SORD: variants seen among roughly 807,000 people sequenced by gnomAD.
The protein encoded by SORD is sorbitol dehydrogenase, also known as (R,R)-butanediol dehydrogenase.
A neutral mutation model predicts 35.6 loss-of-function variants in SORD; 18 were observed. The ratio of observed to expected loss-of-function variants is 0.51; its 90% CI spans 0.35 to 0.75. SORD has a LOEUF of 0.75. SORD is among the 30% of genes least tolerant of loss of function. The pLI, the probability that SORD is intolerant of heterozygous loss-of-function variation, is 0.01. For synonymous variants in SORD, 106 were observed against 152.9 expected (o/e 0.69, Z 2.26); for missense variants, 250 against 390.2 (o/e 0.64, Z 3.03).
chr15:45,030,393 G>A (rs1195939837), intron 1 of SORD, among the ~76,000 whole-genome samples: 1 of 152,238 alleles, frequency 6.6e-6, no homozygotes, highest in African/African-American at 2.4e-5. Context: ...TACAATATTA[G>A]CATCTAACTT....
chr15:45,026,450 C>T (rs572250541), intron 1 of SORD, among the ~76,000 whole-genome samples: 2 of 152,220 alleles, frequency 1.3e-5, no homozygotes, highest in South Asian at 4.2e-4. Context: ...GAGAATTTGA[C>T]TGTTTTCTTC....
chr15:45,046,447 T>A (rs1258763462), intron 3 of SORD, among the ~76,000 whole-genome samples: 1 of 152,154 alleles, frequency 6.6e-6, no homozygotes, highest in Non-Finnish European at 1.5e-5. Context: ...TTCACTATGT[T>A]TGCCAAGCTG....
chr15:45,069,200 T>C (rs1230386615), intron 7 of SORD, 148 bp downstream of exon 7: 19 of 406,058 alleles, frequency 4.7e-5, no homozygotes, highest in Non-Finnish European at 5.7e-5. Context: ...TTTTCTTTTT[T>C]TTTTTTTTTT....
At chr15:45,058,098 A>C (rs1893246362) in intron 3 of SORD, among the ~76,000 whole-genome samples, 2 of 152,236 alleles carry the variant, frequency 1.3e-5, no homozygotes, top group South Asian at 2.1e-4. Context: ...TAGCATACAA[A>C]GAAGGGATAG....
At chr15:45,069,184 TTTTC>T (rs1485342627) in intron 7 of SORD, 132 bp downstream of exon 7, 4 of 443,808 alleles carry the variant, frequency 9.0e-6, no homozygotes, top group Non-Finnish European at 1.4e-5. Flanking sequence ...GCCATCTATG[TTTTC>T]TTTTTCTTTT....
At chr15:45,064,660 C>CGACT (rs1174044376) in intron 4 of SORD, among the ~76,000 whole-genome samples, 1 of 152,070 alleles carries the variant, frequency 6.6e-6, no homozygotes, top group Non-Finnish European at 1.5e-5. Flanking sequence ...ATATGGGAGG[C>CGACT]GACTATCAGA....
intron 3 of SORD, among the ~76,000 whole-genome samples, chr15:45,046,744 A>G (rs1893051212): frequency 6.6e-6 from 1 of 152,216 alleles, no homozygotes; most frequent in Non-Finnish European, 1.5e-5. Context: ...TCAGCCGGGC[A>G]TAATAGCTCA....
intron 3 of SORD, chr15:45,058,816 G>C (rs1328329214): frequency 6.6e-6 from 1 of 152,230 alleles, no homozygotes; most frequent in Non-Finnish European, 1.5e-5. Flanking sequence ...TCTAGGTGTT[G>C]TGTAACTTAC....
intron 3 of SORD, among the ~76,000 whole-genome samples, chr15:45,052,282 A>G (rs1398358733): frequency 6.6e-6 from 1 of 152,218 alleles, no homozygotes; most frequent in Non-Finnish European, 1.5e-5. Context: ...CCTCAAACAT[A>G]AGGATTGAAT....
In SORD at chr15:45,052,565, T is replaced by G. The variant is rs145830679; in HGVS notation, c.266-8502T>G. Among the ~76,000 whole-genome samples the G allele has an allele frequency of 4.6e-5, 7 of 152,240 alleles. No homozygotes were observed. The East Asian group carries it at 1.4e-3, about 29-fold the overall frequency. On this transcript the variant is annotated intron_variant, in intron 3 of 8. Coordinates refer to ENST00000267814, the MANE Select transcript of SORD (RefSeq NM_003104.6). ...TTAGGTAAAAACTCTGACTCTAAAT[T>G]TTTTCCAGGCAGAGGTTAGAAAGAG...
intron 7 of SORD, among the ~76,000 whole-genome samples, chr15:45,071,223 TG>T (rs1431518838): frequency 6.6e-6 from 1 of 152,118 alleles, no homozygotes; most frequent in African/African-American, 2.4e-5. Flanking sequence ...GCTGGCATCT[TG>T]GCAGCTTGGA....
chr15:45,066,313 A>T (rs540649482), intron 5 of SORD, among the ~76,000 whole-genome samples: 4 of 148,050 alleles, frequency 2.7e-5, no homozygotes, highest in African/African-American at 7.4e-5. Context: ...AACTAGGGAA[A>T]TTTTTTTTTT....
chr15:45,047,071 ACT>A lies in SORD; in HGVS notation c.265+3653_265+3654del, dbSNP rs745994629. The A allele has an allele frequency of 2.0e-5, 3 of 151,850 alleles. No homozygotes were observed. In the South Asian group the frequency reaches 6.2e-4, roughly 32 times the overall value. The allele number at this position is 151,850 out of a possible 1,614,324, so 9.4% of individuals were successfully genotyped here. ...AGACATACATACATATAAGTCAATA[ACT>A]CTAAGGCATGGAAGCATTCCTATTT... On this transcript the variant is annotated intron_variant, in intron 3 of 8. Coordinates refer to ENST00000267814, the MANE Select transcript of SORD (RefSeq NM_003104.6).
At chr15:45,050,317 G>T (rs1893105617) in intron 3 of SORD, among the ~76,000 whole-genome samples, 1 of 152,148 alleles carries the variant, frequency 6.6e-6, no homozygotes. Context: ...TCCTGACCTT[G>T]TGATCCACCT....
At chr15:45,052,695 G>T (rs1050191821) in intron 3 of SORD, among the ~76,000 whole-genome samples, 3 of 152,134 alleles carry the variant, frequency 2.0e-5, no homozygotes, top group Non-Finnish European at 4.4e-5. Context: ...TCTCAGCCTT[G>T]CCACTGCTGC....
In SORD at chr15:45,061,072, C is replaced by T. The variant is rs146786334; in HGVS notation, c.271C>T (p.Arg91Cys). ...SSVKHLKPGDRVAIEPGAPRE... is the reference protein window; with the variant it reads ...SSVKHLKPGDCVAIEPGAPRE... ...ATCTTTGTTTTCCTCTCCAGGTGAT[C>T]GTGTTGCCATCGAGCCTGGTGCTCC... The change falls in exon 4 of 9, where the codon CGT (arginine) becomes TGT (cysteine). Residue 91 changes from arginine to cysteine, a missense_variant. Around this residue, in one of 8 missense-constraint regions of SORD, gnomAD observed 126 missense variants for 148.7 expected, o/e 0.85. Transcript: ENST00000267814. 1.4e-4 allele frequency: 220 copies of T among 1,614,120 alleles called. 1 individual carries two copies. The African/African-American group carries it at 2.2e-3, about 16-fold the overall frequency.
intron 1 of SORD, among the ~76,000 whole-genome samples, chr15:45,032,935 G>A (rs1342517193): frequency 1.1e-4 from 17 of 151,846 alleles, no homozygotes; most frequent in African/African-American, 4.1e-4. Flanking sequence ...GGTGTGCAGG[G>A]CAGCCCTCCA....
intron 4 of SORD, among the ~76,000 whole-genome samples, chr15:45,062,053 G>T (rs1434341376): frequency 6.6e-6 from 1 of 151,966 alleles, no homozygotes; most frequent in Non-Finnish European, 1.5e-5. Context: ...TCATTTAATC[G>T]CCAAAATATT....
intron 5 of SORD, among the ~76,000 whole-genome samples, chr15:45,066,976 A>G (rs1893416729): frequency 1.3e-5 from 2 of 152,236 alleles, no homozygotes; most frequent in African/African-American, 4.8e-5. Context: ...GATTAGCCCA[A>G]GAGAACCACT....
Sources: gnomAD v4.1 joint callset for allele counts (sites outside exome capture counted in the v4.1 genomes callset) on GRCh38, gnomAD v4.1.1 for gene constraint, gnomAD v4.1.1 regional missense constraint, MANE v1.5 for transcripts, NCBI Gene and HGNC (gene_info 2026-07-23, HGNC 2026-07-21) for gene names.